The following CCDC175 variants were observed in gnomAD, a reference collection of about 807,000 sequenced individuals.
CCDC175 encodes coiled-coil domain containing 175.
Under a neutral mutation model 114.6 loss-of-function variants are expected in CCDC175, and 100 were observed. That is an observed-to-expected ratio of 0.87 (90% confidence interval 0.74 to 1.03). The LOEUF (loss-of-function observed/expected upper bound fraction) is 1.03, where lower values mean the gene tolerates loss of function less well. Ranked by LOEUF, CCDC175 falls within the 50% of genes least tolerant of loss-of-function variation. The probability of loss-of-function intolerance (pLI) is 0.00; values close to 1 mark genes in which losing one functional copy is unlikely to be tolerated. For missense variants in CCDC175, 880 were observed against 917.8 expected, an observed-to-expected ratio of 0.96 and a Z score of 0.53; for synonymous variants, 306 against 308.7, an observed-to-expected ratio of 0.99 and a Z score of 0.09.
intron 17 of CCDC175, among the ~76,000 whole-genome samples, chr14:59,518,621 C>T (rs1242087281): frequency 6.6e-6 from 1 of 152,130 alleles, no homozygotes; most frequent in Non-Finnish European, 1.5e-5. Flanking sequence ...CAATGAGATA[C>T]CATCTCACAC....
intron 15 of CCDC175, among the ~76,000 whole-genome samples, 180 bp downstream of exon 15, chr14:59,526,915 T>C (rs1157438464): frequency 6.6e-6 from 1 of 152,200 alleles, no homozygotes; most frequent in African/African-American, 2.4e-5. Flanking sequence ...TGTACAGGTG[T>C]ATGTGTATAC....
chr14:59,572,764 T>C lies in CCDC175; in HGVS notation c.293A>G (p.Glu98Gly). ...CAATAGATAGTATAGTTTGTTGAGT[T>C]CCATGCTTTCAATCTCCAAAAGATC... ...TIDLLEIESM[E>G]LNKLYYLLET... Residue 98 changes from glutamate (E) to glycine (G), a missense_variant, in exon 3 of 20, where the codon GAA (glutamate) becomes GGA (glycine). By Grantham distance (98) the Glu-to-Gly change is moderately conservative. Coordinates refer to ENST00000537690, the MANE Select transcript of CCDC175 (RefSeq NM_001164399.2). 6.6e-7 allele frequency: 1 copy of C among 1,519,668 alleles called. No individual in the cohort carries two copies. Among genetic ancestry groups the C allele is most frequent in the Non-Finnish European group, 8.8e-7 (1 of 1,142,792 alleles). 94.1% of individuals were successfully genotyped at this position (1,519,668 alleles called of 1,614,324 possible).
chr14:59,567,449 CT>C (rs571360611), intron 4 of CCDC175, among the ~76,000 whole-genome samples: 3 of 152,234 alleles, frequency 2.0e-5, no homozygotes, highest in Non-Finnish European at 2.9e-5. Flanking sequence ...CCCAAGAAGA[CT>C]TTTTTTCCCC....
intron 1 of CCDC175, among the ~76,000 whole-genome samples, chr14:59,575,239 T>A (rs1408387443): frequency 6.6e-6 from 1 of 152,238 alleles, no homozygotes; most frequent in Admixed American, 6.5e-5. Flanking sequence ...TGAGGACAAA[T>A]GTGCTGGAGA....
chr14:59,570,137 C>T (rs1307999168), intron 3 of CCDC175, among the ~76,000 whole-genome samples: 2 of 151,954 alleles, frequency 1.3e-5, no homozygotes, highest in Non-Finnish European at 2.9e-5. Context: ...AGAAGCTCTT[C>T]ATGCAGAGGT....
chr14:59,573,532 T>C (rs924799490), intron 2 of CCDC175, among the ~76,000 whole-genome samples: 5 of 152,164 alleles, frequency 3.3e-5, no homozygotes, highest in African/African-American at 1.2e-4. Context: ...TGTGGTCCTT[T>C]TGCTTATCTA....
chr14:59,551,547 C>T (rs916028745), intron 7 of CCDC175, 111 bp from the exon 8 acceptor site: 2 of 511,244 alleles, frequency 3.9e-6, no homozygotes, highest in East Asian at 6.6e-5. Context: ...GTGAGTGACA[C>T]AGAAGATGGG....
intron 1 of CCDC175, 59 bp downstream of exon 1, chr14:59,576,560 T>G (rs1213547335): frequency 7.4e-7 from 1 of 1,347,226 alleles, no homozygotes; most frequent in African/African-American, 1.5e-5. Context: ...TCCCGCTGAG[T>G]GCCTCCTAAG....
chr14:59,553,387 T>C (rs1895651103), intron 7 of CCDC175, among the ~76,000 whole-genome samples: 1 of 152,152 alleles, frequency 6.6e-6, no homozygotes. Flanking sequence ...GAAGGAGAAA[T>C]AAAATCCTTT....
intron 4 of CCDC175, 41 bp from the exon 5 acceptor site, chr14:59,565,316 C>T: frequency 6.8e-7 from 1 of 1,476,080 alleles, no homozygotes; most frequent in East Asian, 2.5e-5. Context: ...AAGCACAGCT[C>T]CTAAGAAAGG....
At chr14:59,538,278 C>A in intron 12 of CCDC175, 124 bp from the exon 13 acceptor site, 1 of 767,620 alleles carries the variant, frequency 1.3e-6, no homozygotes, top group Non-Finnish European at 2.0e-6. Flanking sequence ...CATATAATTT[C>A]TCAGCAACCA....
At chr14:59,562,386 C>T (rs1454820602) in intron 6 of CCDC175, among the ~76,000 whole-genome samples, 2 of 152,194 alleles carry the variant, frequency 1.3e-5, no homozygotes, top group South Asian at 2.1e-4. Flanking sequence ...CCAACAACAA[C>T]GGCAACAAAC....
At chr14:59,540,111 T>C (rs1434771287) in intron 11 of CCDC175, among the ~76,000 whole-genome samples, 1 of 152,070 alleles carries the variant, frequency 6.6e-6, no homozygotes, top group Non-Finnish European at 1.5e-5. Context: ...ACAACGATAA[T>C]AAAATACAGC....
chr14:59,568,803 A>G (rs76057029), intron 3 of CCDC175, among the ~76,000 whole-genome samples: 9,153 of 152,250 alleles, frequency 0.06, 348 homozygotes, highest in Non-Finnish European at 0.089. Context: ...CCTCTCTCGC[A>G]CTGATAGATA....
intron 14 of CCDC175, 22 bp from the exon 15 acceptor site, chr14:59,527,196 T>G: frequency 8.1e-7 from 1 of 1,239,478 alleles, no homozygotes; most frequent in Middle Eastern, 2.1e-4. Flanking sequence ...AAGAAAAAAA[T>G]AACTACCTCA....
chr14:59,536,126 A>G (rs1376815101), intron 13 of CCDC175, among the ~76,000 whole-genome samples: 2 of 152,064 alleles, frequency 1.3e-5, no homozygotes, highest in African/African-American at 2.4e-5. Flanking sequence ...CCATCTCAGC[A>G]TCTGCTTCAT....
intron 7 of CCDC175, among the ~76,000 whole-genome samples, chr14:59,558,097 G>T (rs1309951940): frequency 6.6e-6 from 1 of 152,180 alleles, no homozygotes; most frequent in Non-Finnish European, 1.5e-5. Flanking sequence ...CCAGCAACAT[G>T]AAGATCTGAA....
At chr14:59,571,475 G>C (rs1595084359) in intron 3 of CCDC175, among the ~76,000 whole-genome samples, 1 of 152,268 alleles carries the variant, frequency 6.6e-6, no homozygotes, top group South Asian at 2.1e-4. Context: ...TTTCTCCAAA[G>C]AAGATGTACC....
At chr14:59,516,496 G>A (rs569444386) in intron 17 of CCDC175, among the ~76,000 whole-genome samples, 40 of 152,234 alleles carry the variant, frequency 2.6e-4, no homozygotes, top group African/African-American at 9.2e-4. Context: ...TATCACCACC[G>A]ATCCCACAGA....
Sources: allele counts gnomAD v4.1 joint callset (sites outside exome capture counted in the v4.1 genomes callset), GRCh38; gene constraint gnomAD v4.1.1; transcripts MANE v1.5; gene names NCBI Gene and HGNC (gene_info 2026-07-23, HGNC 2026-07-21).